The following ZNF521 variants were observed in gnomAD, a reference collection of about 807,000 sequenced individuals.
The protein encoded by ZNF521 is LYST-interacting protein 3.
In ZNF521, 14 loss-of-function variants were observed where a neutral mutation model predicts 105.5. The ratio of observed to expected loss-of-function variants is 0.13; its 90% CI spans 0.09 to 0.21. The LOEUF is 0.21. Ranked by LOEUF, ZNF521 falls within the 10% of genes least tolerant of loss-of-function variation. ZNF521 has a pLI of 1.00. For missense variants in ZNF521, 1,233 were observed against 1,629.7 expected (o/e 0.76, Z 4.19); for synonymous variants, 635 against 606.0 (o/e 1.05, Z -0.70).
At chr18:25,343,375 T>C (rs1273142780) in intron 2 of ZNF521, among the ~76,000 whole-genome samples, 4 of 152,220 alleles carry the variant, frequency 2.6e-5, no homozygotes, top group Non-Finnish European at 5.9e-5. Flanking sequence ...AACACTTATA[T>C]GGACTTACTA....
At chr18:25,290,692 C>T (rs1910966568) in intron 3 of ZNF521, among the ~76,000 whole-genome samples, 2 of 147,068 alleles carry the variant, frequency 1.4e-5, no homozygotes, top group South Asian at 2.2e-4. Context: ...CTCACTGCAA[C>T]CTCCACCTCC....
At chr18:25,202,941 T>C (rs2036016718) in intron 4 of ZNF521, 1 of 152,230 alleles carries the variant, frequency 6.6e-6, no homozygotes, top group Non-Finnish European at 1.5e-5. Flanking sequence ...TAATTTGTAT[T>C]CTTGTGACAG....
intron 7 of ZNF521, among the ~76,000 whole-genome samples, chr18:25,073,648 G>A (rs546935400): frequency 1.3e-5 from 2 of 152,286 alleles, no homozygotes; most frequent in South Asian, 4.1e-4. Context: ...AAGAAGGAGG[G>A]AGCCAAGACT....
chr18:25,140,752 G>A (rs1432662704), intron 5 of ZNF521, among the ~76,000 whole-genome samples: 5 of 152,190 alleles, frequency 3.3e-5, no homozygotes, highest in Admixed American at 3.3e-4. Flanking sequence ...GAGGGCATTT[G>A]TATTGGTCCT....
intron 3 of ZNF521, among the ~76,000 whole-genome samples, chr18:25,266,630 C>G (rs1568044044): frequency 6.6e-6 from 1 of 152,156 alleles, no homozygotes; most frequent in African/African-American, 2.4e-5. Context: ...TGTCGCCTCA[C>G]TGAGAAGTGC....
intron 3 of ZNF521, among the ~76,000 whole-genome samples, chr18:25,229,001 C>G (rs1906359270): frequency 1.3e-5 from 2 of 152,098 alleles, no homozygotes; most frequent in Admixed American, 6.5e-5. Context: ...GATAGTGTTT[C>G]AGTTAGAATA....
At position 25,227,003 on chromosome 18, in the gene ZNF521, G is replaced by A. The variant is rs755074712; in HGVS notation, c.915C>T (p.Ser305=). 1.9e-5 allele frequency: 31 copies of A among 1,613,926 alleles called. No homozygotes were observed. Among genetic ancestry groups the A allele is most frequent in the Admixed American group, 1.0e-4 (6 of 59,990 alleles). Residue 305 remains serine, a synonymous_variant, in exon 4 of 8, where the codon AGC becomes AGT. Transcript: ENST00000361524. This position sits in a 1 kb window ranked among gnomAD's most constrained non-coding sequence, Gnocchi z 5.7. ...TGCTGCATGAGTTCTTCTTCTCCCC[G>A]CTATGCACCTGCTCCATGTGGTTCA... ...SLMNHMEQVH[S]GEKKNSCSIC... is the part of the protein sequence containing the mutation.
At chr18:25,347,290 T>TTA (rs1914504717) in intron 2 of ZNF521, among the ~76,000 whole-genome samples, 1 of 152,178 alleles carries the variant, frequency 6.6e-6, no homozygotes. Flanking sequence ...ATGCCTCTAA[T>TTA]AACTGGCTTC....
chr18:25,083,968 A>G (rs2033564517), intron 7 of ZNF521, among the ~76,000 whole-genome samples: 3 of 108,960 alleles, frequency 2.8e-5, no homozygotes, highest in African/African-American at 3.6e-5. Context: ...TTTTTGGTAG[A>G]GATGAGGCTT....
intron 7 of ZNF521, among the ~76,000 whole-genome samples, chr18:25,078,564 C>T (rs996726743): frequency 1.3e-5 from 2 of 152,174 alleles, no homozygotes; most frequent in Non-Finnish European, 2.9e-5. Context: ...CTCACCCCGC[C>T]GCTGCAGTTC....
In ZNF521 at chr18:25,227,033, G is replaced by A. The variant is rs748748267; in HGVS notation, c.885C>T (p.Ser295=). ...YCHELFVEET[S]LMNHMEQVHS... is the part of the protein sequence containing the mutation. ...GCACCTGCTCCATGTGGTTCATGAG[G>A]GAGGTCTCCTCTACGAAGAGCTCGT... The change falls in exon 4 of 8, where the codon TCC becomes TCT. Residue 295 remains serine (S), a synonymous_variant. Coordinates refer to ENST00000361524, the MANE Select transcript of ZNF521 (RefSeq NM_015461.3). The surrounding 1 kb of genome is among the most constrained non-coding windows in gnomAD (Gnocchi z 5.7). The A allele has an allele frequency of 6.2e-7, 1 of 1,614,148 alleles. No homozygotes were observed. Among genetic ancestry groups the A allele is most frequent in the African/African-American group, 1.3e-5 (1 of 75,034 alleles).
At chr18:25,297,221 T>A (rs1464505473) in intron 3 of ZNF521, among the ~76,000 whole-genome samples, 1 of 151,844 alleles carries the variant, frequency 6.6e-6, no homozygotes, top group African/African-American at 2.4e-5. Context: ...TCAAAACATA[T>A]GTAACACACT....
In ZNF521 at chr18:25,224,336, G is replaced by A. The variant is rs1341411282; in HGVS notation, c.3573+9C>T. On this transcript the variant is annotated intron_variant, in intron 4 of 7. Coordinates refer to ENST00000361524, the MANE Select transcript of ZNF521 (RefSeq NM_015461.3). ...GGTTAAATAGCAAACATTAAAAAAG[G>A]CGAGTTACCTCATCCGACTGGGAGG... 6 of 1,597,760 alleles carry A rather than the reference G, an allele frequency of 3.8e-6. No homozygotes were observed. The highest frequency in any genetic ancestry group is 3.3e-5 in the South Asian group (3 of 90,342).
chr18:25,064,762 C>T (rs1005684641), intron 7 of ZNF521, among the ~76,000 whole-genome samples: 17 of 152,162 alleles, frequency 1.1e-4, no homozygotes, highest in Admixed American at 2.6e-4. Context: ...GGGCTGGGAG[C>T]CTTGTGAAGA....
At chr18:25,073,659 C>T (rs2033279789) in intron 7 of ZNF521, among the ~76,000 whole-genome samples, 1 of 152,218 alleles carries the variant, frequency 6.6e-6, no homozygotes, top group Non-Finnish European at 1.5e-5. Context: ...AGCCAAGACT[C>T]TTTCTGCTTT....
chr18:25,227,178 T>C lies in ZNF521; in HGVS notation c.740A>G (p.Lys247Arg). The C allele has an allele frequency of 6.2e-7, 1 of 1,614,140 alleles. No individual in the cohort carries two copies. The highest frequency in any genetic ancestry group is 1.1e-5 in the South Asian group (1 of 91,082). Residue 247 changes from lysine (K) to arginine (R), a missense_variant, in exon 4 of 8, where the codon AAG becomes AGG. Physicochemically the swap from Lys to Arg is conservative, Grantham distance 26. Around this residue, in one of 6 missense-constraint regions of ZNF521, gnomAD observed 380 missense variants for 478.0 expected, o/e 0.80. Coordinates refer to ENST00000361524, the MANE Select transcript of ZNF521 (RefSeq NM_015461.3). This position sits in a 1 kb window ranked among gnomAD's most constrained non-coding sequence, Gnocchi z 5.7. The stretch of plus-strand genomic sequence containing the variant: ...AAAGCCTTCCTCACACTGACTGCAC[T>C]TCTGAGTGTCCTTCATCTTCCAGTC... Reference protein sequence around the residue: ...MEDWKMKDTQKCSQCEEGFDF... With the variant: ...MEDWKMKDTQRCSQCEEGFDF...
At chr18:25,184,636 G>A (rs932290412) in intron 5 of ZNF521, among the ~76,000 whole-genome samples, 1 of 152,180 alleles carries the variant, frequency 6.6e-6, no homozygotes, top group African/African-American at 2.4e-5. Flanking sequence ...AAGTGTGTGT[G>A]GTTGAATAGC....
chr18:25,212,791 G>A (rs1401009787), intron 4 of ZNF521, among the ~76,000 whole-genome samples: 1 of 150,610 alleles, frequency 6.6e-6, no homozygotes, highest in Non-Finnish European at 1.5e-5. Context: ...TGATTTCTAA[G>A]TACCTATTTT....
intron 5 of ZNF521, among the ~76,000 whole-genome samples, chr18:25,185,906 C>T (rs1449513450): frequency 6.6e-6 from 1 of 152,050 alleles, no homozygotes; most frequent in African/African-American, 2.4e-5. Flanking sequence ...TGTGGCTTTG[C>T]TAAAAGGAAA....
Sources: allele counts gnomAD v4.1 joint callset (sites outside exome capture counted in the v4.1 genomes callset), GRCh38; gene constraint gnomAD v4.1.1; regional missense constraint gnomAD v4.1.1; non-coding constraint Gnocchi (gnomAD v3.1); transcripts MANE v1.5; gene names NCBI Gene and HGNC (gene_info 2026-07-23, HGNC 2026-07-21).